The following ABCA13 variants were observed in gnomAD, a reference collection of about 807,000 sequenced individuals.
ABCA13 encodes ATP-binding cassette sub-family A member 13.
A neutral mutation model predicts 478.7 loss-of-function variants in ABCA13; 476 were observed. That is an observed-to-expected ratio of 0.99 (90% CI 0.92 to 1.07). ABCA13 has a LOEUF of 1.07. Ranked by LOEUF, ABCA13 falls within the 50% of genes least tolerant of loss-of-function variation. The pLI, the probability that ABCA13 is intolerant of heterozygous loss-of-function variation, is 0.00. For missense variants in ABCA13, 6,060 were observed against 5,910.6 expected, an observed-to-expected ratio of 1.03 and a Z score of -0.83; for synonymous variants, 2,252 against 2,158.9, an observed-to-expected ratio of 1.04 and a Z score of -1.20.
At chr7:48,368,959 T>C (rs1033739461) in intron 32 of ABCA13, among the ~76,000 whole-genome samples, 3 of 151,942 alleles carry the variant, frequency 2.0e-5, no homozygotes, top group Non-Finnish European at 4.4e-5. Flanking sequence ...CTACTTTTAG[T>C]TCTTTAAGGA....
intron 58 of ABCA13, among the ~76,000 whole-genome samples, chr7:48,613,382 G>T (rs1447246003): frequency 1.3e-5 from 2 of 151,926 alleles, no homozygotes; most frequent in East Asian, 1.9e-4. Flanking sequence ...AAGAGACAGG[G>T]TTTCATCATG....
intron 29 of ABCA13, among the ~76,000 whole-genome samples, chr7:48,341,305 T>C (rs547593662): frequency 1.2e-3 from 179 of 151,938 alleles, no homozygotes; most frequent in Non-Finnish European, 2.3e-3. Flanking sequence ...CCCCCTACCA[T>C]GCTCCACCTG....
intron 27 of ABCA13, among the ~76,000 whole-genome samples, chr7:48,327,078 T>A (rs1804446472): frequency 6.6e-6 from 1 of 152,184 alleles, no homozygotes; most frequent in Admixed American, 6.5e-5. Context: ...TTCTGTAAGG[T>A]TAGAGGAACC....
chr7:48,317,119 A>G, intron 26 of ABCA13, 38 bp from the exon 27 acceptor site: 1 of 1,587,918 alleles, frequency 6.3e-7, no homozygotes, highest in Non-Finnish European at 8.5e-7. Context: ...GGCATCGTGT[A>G]TCATTAGCAA....
At chr7:48,257,391 A>C (rs2128713966) in intron 15 of ABCA13, among the ~76,000 whole-genome samples, 1 of 152,146 alleles carries the variant, frequency 6.6e-6, no homozygotes, top group Middle Eastern at 3.4e-3. Flanking sequence ...TTCTAAAGGG[A>C]AATTCTTCTA....
At chr7:48,356,615 A>ATCTC (rs1809967615) in intron 31 of ABCA13, among the ~76,000 whole-genome samples, 1 of 151,726 alleles carries the variant, frequency 6.6e-6, no homozygotes, top group African/African-American at 2.4e-5. Context: ...TTGCACACAG[A>ATCTC]TCTCTCTCTC....
At chr7:48,454,574 C>T (rs1210269003) in intron 42 of ABCA13, among the ~76,000 whole-genome samples, 1 of 151,012 alleles carries the variant, frequency 6.6e-6, no homozygotes, top group African/African-American at 2.4e-5. Flanking sequence ...AAGTGGAAGG[C>T]GCCGGGAGGA....
At chr7:48,310,306 T>G (rs1801580710) in intron 24 of ABCA13, among the ~76,000 whole-genome samples, 165 bp downstream of exon 24, 1 of 152,076 alleles carries the variant, frequency 6.6e-6, no homozygotes, top group Admixed American at 6.5e-5. Context: ...GAATCCAAGG[T>G]GGGGCTCAAG....
rs1355581167 is a variant in ABCA13 at position 48,542,667 on chromosome 7, C to A, written c.14354+14322C>A. On this transcript the variant is annotated intron_variant, in intron 55 of 61. Coordinates refer to ENST00000435803, the MANE Select transcript of ABCA13 (RefSeq NM_152701.5). ...TATGTTAAAATGTAGATGATGTTTT[C>A]AGCATAAAAGAATAAATAAGTAATA... 2.6e-5 allele frequency among the ~76,000 whole-genome samples: 4 copies of A among 151,030 alleles called. No homozygotes were observed. The East Asian group carries it at 7.8e-4, about 29-fold the overall frequency.
intron 23 of ABCA13, among the ~76,000 whole-genome samples, chr7:48,304,305 T>C (rs980537780): frequency 6.6e-6 from 1 of 152,068 alleles, no homozygotes; most frequent in African/African-American, 2.4e-5. Context: ...GAGAAGTTGG[T>C]GGAGAAGGTG....
intron 8 of ABCA13, among the ~76,000 whole-genome samples, chr7:48,235,695 T>C (rs573440602): frequency 1.2e-4 from 18 of 152,314 alleles, no homozygotes; most frequent in African/African-American, 3.6e-4. Context: ...AAATTCTTTT[T>C]TTCTCTATTA....
In ABCA13 at chr7:48,227,867, A is replaced by G. The variant is rs1212424034; in HGVS notation, c.632+442A>G. ...AACTAATTTCTTAAGAAATTATGCC[A>G]TAGTTGCCCAGTATAGCATTCAGAA... On this transcript the variant is annotated intron_variant, in intron 6 of 61. Transcript: ENST00000435803. 2.6e-5 allele frequency among the ~76,000 whole-genome samples: 4 copies of G among 152,200 alleles called. No homozygotes were observed. The East Asian group carries it at 5.8e-4, about 22-fold the overall frequency.
At chr7:48,561,014 T>C (rs1165217445) in intron 55 of ABCA13, among the ~76,000 whole-genome samples, 1 of 152,192 alleles carries the variant, frequency 6.6e-6, no homozygotes, top group African/African-American at 2.4e-5. Context: ...TCTGTCCATA[T>C]CATCACAAAT....
intron 55 of ABCA13, among the ~76,000 whole-genome samples, chr7:48,536,988 A>G (rs1472232021): frequency 1.3e-5 from 2 of 152,046 alleles, no homozygotes; most frequent in African/African-American, 4.8e-5. Flanking sequence ...AATTACTTAC[A>G]TAGGATTATA....
At chr7:48,311,050 A>G (rs1801703497) in intron 24 of ABCA13, among the ~76,000 whole-genome samples, 1 of 152,016 alleles carries the variant, frequency 6.6e-6, no homozygotes, top group African/African-American at 2.4e-5. Flanking sequence ...TCCAAGTACC[A>G]TTGTTTTCCC....
chr7:48,560,193 A>G (rs1233188683), intron 55 of ABCA13, among the ~76,000 whole-genome samples: 2 of 152,144 alleles, frequency 1.3e-5, no homozygotes, highest in Admixed American at 6.6e-5. Flanking sequence ...TCAGGTTCCA[A>G]CTGCTGGGAT....
At position 48,275,529 on chromosome 7, in the gene ABCA13, A is replaced by G. The variant is rs1279256250; in HGVS notation, c.5863A>G (p.Ile1955Val). ...TTCCATAAAGCAAGTTGCTTTGCAAATCATAGAAAAACTTAAAAATGTCAA... is the reference window on the plus strand; with the variant it reads ...TTCCATAAAGCAAGTTGCTTTGCAAGTCATAGAAAAACTTAAAAATGTCAA... The part of the protein sequence containing the change: ...SGSIKQVALQ[I>V]IEKLKNVNFT... Residue 1955 changes from isoleucine (I) to valine (V), a missense_variant, in exon 17 of 62, where the codon ATC (isoleucine) becomes GTC (valine). Physicochemically the swap from Ile to Val is conservative, Grantham distance 29 (BLOSUM62 3). Transcript: ENST00000435803. 1 of 1,613,842 alleles carries G rather than the reference A, an allele frequency of 6.2e-7. No homozygotes were observed. The highest frequency in any genetic ancestry group is 1.3e-5 in the African/African-American group (1 of 75,046).
In ABCA13 at chr7:48,298,712, C is replaced by T. The variant is rs1486248283; in HGVS notation, c.9321+225C>T. Among the ~76,000 whole-genome samples the T allele has an allele frequency of 2.0e-5, 3 of 152,170 alleles. 1 individual carries two copies. Among genetic ancestry groups the T allele is most frequent in the Non-Finnish European group, 4.4e-5 (3 of 68,024 alleles). On this transcript the variant is annotated intron_variant, in intron 23 of 61. Transcript: ENST00000435803. ...GCCAAAATCTTAGGGTTTTTAATTC[C>T]ATAATATTTTCTTTATTTGGAGTTA... is the stretch of plus-strand genomic sequence containing the variant.
intron 31 of ABCA13, among the ~76,000 whole-genome samples, chr7:48,359,470 C>T (rs1041169354): frequency 2.6e-5 from 4 of 151,918 alleles, no homozygotes; most frequent in African/African-American, 9.7e-5. Context: ...ATGAGTGTGC[C>T]TCTGGTTCCA....
Sources: allele counts gnomAD v4.1 joint callset (sites outside exome capture counted in the v4.1 genomes callset), GRCh38; gene constraint gnomAD v4.1.1; transcripts MANE v1.5; gene names NCBI Gene and HGNC (gene_info 2026-07-23, HGNC 2026-07-21).